Variants in RGMB observed in about 807,000 individuals in gnomAD.
The protein encoded by RGMB is repulsive guidance molecule B.
A neutral mutation model predicts 26.9 loss-of-function variants in RGMB; 16 were observed. The observed-to-expected ratio is 0.60, with a 90% CI of 0.40 to 0.90. The LOEUF (loss-of-function observed/expected upper bound fraction) is 0.90. RGMB is among the 40% of genes least tolerant of loss of function. The pLI is 0.00. For synonymous variants in RGMB, 225 were observed against 229.3 expected, an observed-to-expected ratio of 0.98 and a Z score of 0.17; for missense variants, 512 against 573.3, an observed-to-expected ratio of 0.89 and a Z score of 1.09.
Position 98,793,087 on chromosome 5 carries a change from C to T in RGMB, c.648C>T (p.Ile216=), listed in dbSNP as rs977024163. The change falls in exon 3 of 3, where the codon ATC becomes ATT. Residue 216 remains isoleucine (I), a splice_region_variant and synonymous_variant. Transcript: ENST00000513185. ...CTTGTACATGCTCCTTCCCACAGAT[C>T]ACTATTATCTTCAAAGCCCACCATG... ...PGSSATATNK[I]TIIFKAHHEC... 6.3e-7 allele frequency: 1 copy of T among 1,595,006 alleles called. No individual in the cohort carries two copies. The highest frequency in any genetic ancestry group is 8.6e-7 in the Non-Finnish European group (1 of 1,166,756).
chr5:98,774,693 G>C (rs1746336122), intron 1 of RGMB, among the ~76,000 whole-genome samples: 1 of 152,222 alleles, frequency 6.6e-6, no homozygotes, highest in African/African-American at 2.4e-5. Context: ...ATTTTTACCA[G>C]ATTTTGCAAA....
At chr5:98,769,798 C>T (rs1280488690), upstream of RGMB, 1 of 152,356 alleles carries the variant, frequency 6.6e-6, no homozygotes, top group Non-Finnish European at 1.5e-5. Context: ...CTCCCAAAAG[C>T]CCCTTTTCGC....
In RGMB at chr5:98,773,927, G is replaced by T; in HGVS notation, c.-144G>T. On this transcript the variant is annotated 5_prime_UTR_variant, in exon 1 of 3. Transcript: ENST00000513185. ...CGCTGCTTGCTGCGGCGGTGGTGGC[G>T]CCCCATCTGCTACACGGGCCTGAAG... 2 of 561,054 alleles carry T rather than the reference G, an allele frequency of 3.6e-6. No individual in the cohort carries two copies. Among genetic ancestry groups the T allele is most frequent in the Non-Finnish European group, 3.2e-6 (1 of 317,250 alleles). The allele number at this position is 561,054 out of a possible 1,614,324, so 34.8% of individuals were successfully genotyped here. A position where few individuals can be genotyped will look rare whatever the true frequency, so the allele number is the denominator to read the frequency against.
At position 98,793,995 on chromosome 5, in the gene RGMB, C is replaced by A; in HGVS notation, c.*242C>A. On this transcript the variant is annotated 3_prime_UTR_variant, in exon 3 of 3. Coordinates refer to ENST00000513185, the MANE Select transcript of RGMB (RefSeq NM_001366508.1). ...GTTCTGTGAAATGTTTTATAATGTC[C>A]CTGCCCAGGGACCTGTTAGAAAGCA... 2.5e-6 allele frequency: 1 copy of A among 401,140 alleles called. No homozygotes were observed. Among genetic ancestry groups the A allele is most frequent in the Admixed American group, 4.1e-5 (1 of 24,238 alleles). The allele number at this position is 401,140 out of a possible 1,614,324, so 24.8% of individuals were successfully genotyped here. A position where few individuals can be genotyped will look rare whatever the true frequency, so the allele number is the denominator to read the frequency against.
rs1282171543 is a variant in RGMB, at chr5:98,795,585, G to A, written c.*1832G>A. The A allele has an allele frequency of 6.6e-6, 1 of 152,172 alleles. No homozygotes were observed. Among genetic ancestry groups the A allele is most frequent in the Non-Finnish European group, 1.5e-5 (1 of 68,028 alleles). The allele number at this position is 152,172 out of a possible 1,614,324, so 9.4% of individuals were successfully genotyped here. A position where few individuals can be genotyped will look rare whatever the true frequency, so the allele number is the denominator to read the frequency against. On this transcript the variant is annotated 3_prime_UTR_variant, in exon 3 of 3. Coordinates refer to ENST00000513185, the MANE Select transcript of RGMB (RefSeq NM_001366508.1). ...GGAAGGCATCTCCTTCTTACTCATG[G>A]AGATTCAACTATAGAGAGTTGAAAC...
intron 2 of RGMB, among the ~76,000 whole-genome samples, chr5:98,781,861 G>A (rs1189955153): frequency 2.6e-5 from 4 of 152,140 alleles, no homozygotes; most frequent in Non-Finnish European, 5.9e-5. Context: ...TATATATATG[G>A]AACAGTTTAC....
In RGMB at chr5:98,796,342, C is replaced by T. The variant is rs1039705839; in HGVS notation, c.*2589C>T. ...CTTTGTTATGCTTGGAAGCTCCCCC[C>T]CCCCCAACAGTGTGTCGAGTCTTTG... On this transcript the variant is annotated 3_prime_UTR_variant, in exon 3 of 3. Transcript: ENST00000513185. 2.1e-5 allele frequency: 3 copies of T among 140,946 alleles called. No homozygotes were observed. The highest frequency in any genetic ancestry group is 4.0e-4 in the East Asian group (2 of 5,060). 8.7% of individuals were successfully genotyped at this position (140,946 alleles called of 1,614,324 possible).
chr5:98,782,754 A>G (rs1746648199), intron 2 of RGMB, among the ~76,000 whole-genome samples: 1 of 151,496 alleles, frequency 6.6e-6, no homozygotes, highest in Admixed American at 6.6e-5. Context: ...TTGCTCAATG[A>G]GGCTACTAAG....
chr5:98,775,056 A>C (rs1746353701), intron 1 of RGMB, among the ~76,000 whole-genome samples: 1 of 152,116 alleles, frequency 6.6e-6, no homozygotes. Context: ...TTTAATGCTA[A>C]GGTTGAAAGG....
At chr5:98,770,715 C>T (rs763934107), upstream of RGMB, 2 of 1,290,936 alleles carry the variant, frequency 1.5e-6, no homozygotes, top group South Asian at 3.5e-5. Context: ...CCGCTTGGCC[C>T]TCTTCCAAGT....
rs1747026975 is a variant in RGMB at position 98,793,855 on chromosome 5, A to G, written c.*102A>G. ...GTAAAAGAGTATATATGTATATACC[A>G]TGTATATGACAGGATGTTTGTCCTG... is the stretch of plus-strand genomic sequence containing the variant. On this transcript the variant is annotated 3_prime_UTR_variant, in exon 3 of 3. Transcript: ENST00000513185. 1.1e-6 allele frequency: 1 copy of G among 884,568 alleles called. No individual in the cohort carries two copies. Among genetic ancestry groups the G allele is most frequent in the Admixed American group, 2.9e-5 (1 of 34,122 alleles). The allele number at this position is 884,568 out of a possible 1,614,324, so 54.8% of individuals were successfully genotyped here.
intron 2 of RGMB, among the ~76,000 whole-genome samples, chr5:98,788,515 A>G (rs984880167): frequency 6.6e-6 from 1 of 152,178 alleles, no homozygotes; most frequent in African/African-American, 2.4e-5. Flanking sequence ...TGGGTTTTGC[A>G]TGAAATTGTT....
rs1038172412 is a variant in RGMB at position 98,794,060 on chromosome 5, G to T, written c.*307G>T. 3.5e-5 allele frequency: 8 copies of T among 229,144 alleles called. No homozygotes were observed. Among genetic ancestry groups the T allele is most frequent in the Non-Finnish European group, 6.0e-5 (7 of 117,578 alleles). The allele number at this position is 229,144 out of a possible 1,614,324, so 14.2% of individuals were successfully genotyped here. A position where few individuals can be genotyped will look rare whatever the true frequency, so the allele number is the denominator to read the frequency against. ...TATTAAATATTTATGTGTGTGCTTG[G>T]TTGATATGTATAGTACATATACACA... On this transcript the variant is annotated 3_prime_UTR_variant, in exon 3 of 3. Transcript: ENST00000513185.
chr5:98,771,516 T>C (rs1746163989), upstream of RGMB: 1 of 152,190 alleles, frequency 6.6e-6, no homozygotes, highest in African/African-American at 2.4e-5. Context: ...GTCTTGAAAA[T>C]AGGAACCACC....
chr5:98,787,870 A>G (rs1446241230), intron 2 of RGMB, among the ~76,000 whole-genome samples: 1 of 151,988 alleles, frequency 6.6e-6, no homozygotes, highest in Non-Finnish European at 1.5e-5. Context: ...CTTCCCTTTC[A>G]TTCTCGTTTT....
At chr5:98,777,202 C>T (rs1166328994) in intron 1 of RGMB, among the ~76,000 whole-genome samples, 1 of 152,018 alleles carries the variant, frequency 6.6e-6, no homozygotes, top group Non-Finnish European at 1.5e-5. Context: ...TCTGCATTTC[C>T]ATACTGTTCG....
intron 2 of RGMB, among the ~76,000 whole-genome samples, chr5:98,791,380 A>G (rs1561446815): frequency 6.6e-6 from 1 of 152,194 alleles, no homozygotes; most frequent in Non-Finnish European, 1.5e-5. Context: ...CAGTCAAGTA[A>G]CACCAGTGGG....
chr5:98,774,084 C>A lies in RGMB; in HGVS notation c.14C>A (p.Ala5Glu). MGLR[A>E]APSSAAAAAA... ...GCATGGACGGGCATGGGCTTGAGAG[C>A]AGCACCTTCCAGCGCCGCCGCTGCC... is the stretch of plus-strand genomic sequence containing the variant. The change falls in exon 1 of 3, where the codon GCA (alanine) becomes GAA (glutamate). Residue 5 changes from alanine to glutamate, a missense_variant. By Grantham distance (107) the Ala-to-Glu change is moderately radical. Coordinates refer to ENST00000513185, the MANE Select transcript of RGMB (RefSeq NM_001366508.1). 1 of 1,099,076 alleles carries A rather than the reference C, an allele frequency of 9.1e-7. No individual in the cohort carries two copies. The allele number at this position is 1,099,076 out of a possible 1,614,324, so 68.1% of individuals were successfully genotyped here. A position where few individuals can be genotyped will look rare whatever the true frequency, so the allele number is the denominator to read the frequency against.
intron 2 of RGMB, among the ~76,000 whole-genome samples, chr5:98,784,077 G>GTA (rs970840099): frequency 5.9e-5 from 9 of 152,174 alleles, no homozygotes; most frequent in African/African-American, 2.2e-4. Flanking sequence ...GTGAGAGAAG[G>GTA]TAGTTTACCT....
Sources: allele counts gnomAD v4.1 joint callset (sites outside exome capture counted in the v4.1 genomes callset), GRCh38; gene constraint gnomAD v4.1.1; transcripts MANE v1.5; gene names NCBI Gene and HGNC (gene_info 2026-07-23, HGNC 2026-07-21).